PARD3: variants seen among roughly 807,000 people sequenced by gnomAD.
PARD3 encodes the protein partitioning defective 3 homolog.
PARD3 carries 75 observed loss-of-function variants against 155.4 expected under a neutral mutation model. The observed-to-expected ratio is 0.48, with a 90% CI of 0.40 to 0.58. PARD3 has a LOEUF of 0.58. PARD3 is among the 20% of genes least tolerant of loss of function. The pLI, the probability that PARD3 is intolerant of heterozygous loss-of-function variation, is 0.00. For missense variants in PARD3, 1,642 were observed against 1,721.7 expected (o/e 0.95, Z 0.82); for synonymous variants, 576 against 610.5 (o/e 0.94, Z 0.83).
chr10:34,573,656 G>A (rs1404251144), intron 2 of PARD3, among the ~76,000 whole-genome samples: 3 of 151,586 alleles, frequency 2.0e-5, no homozygotes, highest in Non-Finnish European at 2.9e-5. Context: ...GCAGTAAGCC[G>A]AGATCATGCC....
At chr10:34,707,523 T>G (rs2094384131) in intron 1 of PARD3, among the ~76,000 whole-genome samples, 2 of 152,186 alleles carry the variant, frequency 1.3e-5, no homozygotes, top group Non-Finnish European at 2.9e-5. Flanking sequence ...CACTGAGGTT[T>G]GAGAACCAGT....
chr10:34,203,171 C>G lies in PARD3; in HGVS notation c.3419+66486G>C, dbSNP rs145580194. On this transcript the variant is annotated intron_variant, in intron 22 of 24. Transcript: ENST00000374788. Reference sequence around the variant, plus strand: ...GGCACTTTGGAGTGTGGGTACACTGCAAGAGAGAGAGAGAGAGCTCTGTTT... The same window carrying G: ...GGCACTTTGGAGTGTGGGTACACTGGAAGAGAGAGAGAGAGAGCTCTGTTT... Among the ~76,000 whole-genome samples, 674 of 152,134 alleles carry G rather than the reference C, an allele frequency of 4.4e-3. 3 individuals are homozygous for G. Among genetic ancestry groups the G allele is most frequent in the Non-Finnish European group, 7.1e-3 (485 of 68,012 alleles).
rs1016740581 is a variant in PARD3 at position 34,814,131 on chromosome 10, A to G, written c.120+745T>C. Among the ~76,000 whole-genome samples, 15 of 152,268 alleles carry G rather than the reference A, an allele frequency of 9.9e-5. No individual in the cohort carries two copies. The South Asian group carries it at 1.4e-3, about 15-fold the overall frequency. On this transcript the variant is annotated intron_variant, in intron 1 of 24. Coordinates refer to ENST00000374788, the MANE Select transcript of PARD3 (RefSeq NM_001184785.2). ...TGAGGTCCTCGCAGGAAAACTTTTC[A>G]TTCCGCGACTCTTCCAAGGTTGTGC...
intron 22 of PARD3, among the ~76,000 whole-genome samples, chr10:34,248,040 T>C (rs932284343): frequency 6.6e-6 from 1 of 152,220 alleles, no homozygotes; most frequent in Non-Finnish European, 1.5e-5. Context: ...TCATTTCACA[T>C]ACCAGTTGCC....
At chr10:34,355,157 G>T (rs569940185) in intron 14 of PARD3, among the ~76,000 whole-genome samples, 1 of 152,252 alleles carries the variant, frequency 6.6e-6, no homozygotes, top group African/African-American at 2.4e-5. Context: ...GCAACATAGT[G>T]AGATCCCATC....
intron 22 of PARD3, among the ~76,000 whole-genome samples, chr10:34,257,056 A>G (rs530380668): frequency 5.3e-5 from 8 of 152,296 alleles, no homozygotes; most frequent in Non-Finnish European, 1.0e-4. Context: ...AAATCAACCA[A>G]TTGGGGAAAA....
intron 2 of PARD3, among the ~76,000 whole-genome samples, chr10:34,557,454 C>CAG (rs1235107402): frequency 2.6e-5 from 4 of 151,972 alleles, no homozygotes; most frequent in African/African-American, 9.7e-5. Flanking sequence ...CTGGGCAACA[C>CAG]AGAGAGAGTC....
chr10:34,513,576 C>A (rs918031286), intron 3 of PARD3, among the ~76,000 whole-genome samples: 2 of 152,206 alleles, frequency 1.3e-5, no homozygotes, highest in Non-Finnish European at 2.9e-5. Context: ...CCACCGCACC[C>A]AGCCTGGATT....
At chr10:34,194,398 G>A (rs949678175) in intron 22 of PARD3, among the ~76,000 whole-genome samples, 1 of 152,020 alleles carries the variant, frequency 6.6e-6, no homozygotes, top group African/African-American at 2.4e-5. Context: ...TGTGTGGCCC[G>A]AGCCGCTCTT....
chr10:34,111,463 G>A lies in PARD3; in HGVS notation c.3768C>T (p.Tyr1256=), dbSNP rs1946376913. The change falls in exon 25 of 25, where the codon TAC becomes TAT. Residue 1256 remains tyrosine, a synonymous_variant. Transcript: ENST00000374788. ...GFQSAKENPR[Y]SSYQGSRNGY... is the part of the protein sequence containing the mutation. ...CGTTCCTGGAGCCTTGGTAGCTGGA[G>A]TACCTGGGGTTCTCTTTGGCACTCT... is the stretch of plus-strand genomic sequence containing the variant. 3.7e-6 allele frequency: 6 copies of A among 1,614,174 alleles called. No individual in the cohort carries two copies. Among genetic ancestry groups the A allele is most frequent in the Non-Finnish European group, 5.1e-6 (6 of 1,180,018 alleles).
At chr10:34,788,758 C>G (rs1334904539) in intron 1 of PARD3, among the ~76,000 whole-genome samples, 1 of 152,126 alleles carries the variant, frequency 6.6e-6, no homozygotes. Context: ...AACATATGAT[C>G]AAAATGAGAC....
chr10:34,261,843 A>AACAAACAC (rs1383614778), intron 22 of PARD3, among the ~76,000 whole-genome samples: 7 of 147,558 alleles, frequency 4.7e-5, no homozygotes, highest in East Asian at 2.0e-4. Flanking sequence ...CAAACAAACA[A>AACAAACAC]ACACACACAC....
intron 2 of PARD3, among the ~76,000 whole-genome samples, chr10:34,644,026 T>C (rs1373805338): frequency 1.3e-5 from 2 of 152,228 alleles, no homozygotes; most frequent in Non-Finnish European, 2.9e-5. Context: ...CGTGTGTTTT[T>C]CAGATTTTTA....
At chr10:34,234,835 A>C (rs1174396127) in intron 22 of PARD3, among the ~76,000 whole-genome samples, 1 of 152,202 alleles carries the variant, frequency 6.6e-6, no homozygotes. Context: ...TTTGTAAATG[A>C]ATGACTTTCA....
At chr10:34,666,903 C>T (rs1052972622) in intron 2 of PARD3, among the ~76,000 whole-genome samples, 3 of 150,230 alleles carry the variant, frequency 2.0e-5, no homozygotes, top group African/African-American at 7.3e-5. Context: ...CACAGTGAGT[C>T]ATGCCTTGTA....
intron 1 of PARD3, among the ~76,000 whole-genome samples, chr10:34,709,223 C>G (rs1351614373): frequency 6.6e-6 from 1 of 152,002 alleles, no homozygotes; most frequent in Non-Finnish European, 1.5e-5. Context: ...ATACACATAA[C>G]CAGAAGGTAA....
intron 21 of PARD3, 109 bp from the exon 22 acceptor site, chr10:34,270,008 C>T (rs1169418088): frequency 2.7e-6 from 3 of 1,098,766 alleles, no homozygotes; most frequent in Non-Finnish European, 3.9e-6. Context: ...TTTCTTGCAG[C>T]TATAGAAGAT....
rs545962954 is a variant in PARD3, at chr10:34,759,267, C to T, written c.120+55609G>A. Among the ~76,000 whole-genome samples, 3 of 151,924 alleles carry T rather than the reference C, an allele frequency of 2.0e-5. No homozygotes were observed. The East Asian group carries it at 5.8e-4, about 29-fold the overall frequency. ...AACAGGGTATGCAACGGATTTTATT[C>T]ACACGTGTAAATCTTTAAACTTAGG... On this transcript the variant is annotated intron_variant, in intron 1 of 24. Transcript: ENST00000374788.
At chr10:34,469,970 G>A in intron 4 of PARD3, 115 bp downstream of exon 4, 1 of 731,386 alleles carries the variant, frequency 1.4e-6, no homozygotes, top group Admixed American at 3.1e-5. Flanking sequence ...GCTCACAAAA[G>A]GCCATCATGA....
Sources: gnomAD v4.1 joint callset for allele counts (sites outside exome capture counted in the v4.1 genomes callset) on GRCh38, gnomAD v4.1.1 for gene constraint, MANE v1.5 for transcripts, NCBI Gene and HGNC (gene_info 2026-07-23, HGNC 2026-07-21) for gene names.